NOS3: variants seen among roughly 807,000 people sequenced by gnomAD.
The protein encoded by NOS3 is NOS type III.
A neutral mutation model predicts 144.9 loss-of-function variants in NOS3; 98 were observed. The observed-to-expected ratio is 0.68, with a 90% confidence interval of 0.57 to 0.80. NOS3 has a LOEUF of 0.80. NOS3 is among the 30% of genes least tolerant of loss of function. NOS3 has a pLI of 0.00. For missense variants in NOS3, 1,465 were observed against 1,656.4 expected (o/e 0.88, Z 2.01); for synonymous variants, 714 against 702.4 (o/e 1.02, Z -0.26).
chr7:151,010,377 C>T (rs1795278878), intron 21 of NOS3, 90 bp downstream of exon 21: 1 of 1,290,908 alleles, frequency 7.7e-7, no homozygotes, highest in Non-Finnish European at 1.1e-6. Flanking sequence ...TGCAAAGTCC[C>T]CCCTGGACTT....
At position 151,014,205 on chromosome 7, in the gene NOS3, C is replaced by A; in HGVS notation, c.*36C>A. On this transcript the variant is annotated 3_prime_UTR_variant, in exon 27 of 27. Coordinates refer to ENST00000297494, the MANE Select transcript of NOS3 (RefSeq NM_000603.5). ...GCTTTCCCTTCCAGTTCCGGGAGAG[C>A]GGCTGCCCGACTCAGGTCCGCCCGA... The A allele has an allele frequency of 6.4e-7, 1 of 1,567,532 alleles. No homozygotes were observed.
intron 10 of NOS3, 72 bp from the exon 11 acceptor site, chr7:151,001,159 G>A (rs532887103): frequency 2.4e-5 from 36 of 1,500,922 alleles, no homozygotes; most frequent in Non-Finnish European, 2.7e-5. Flanking sequence ...TGGGGTGACC[G>A]GAGTGGTGGA....
chr7:151,009,135 G>A (rs370128708), intron 18 of NOS3, 54 bp from the exon 19 acceptor site: 1 of 1,612,914 alleles, frequency 6.2e-7, no homozygotes, highest in South Asian at 1.1e-5. Flanking sequence ...GCACTCTGGG[G>A]CCAGGCCCTG....
At position 151,010,530 on chromosome 7, in the gene NOS3, G is replaced by A. The variant is rs1795281605; in HGVS notation, c.2686-67G>A. The A allele has an allele frequency of 2.8e-6, 4 of 1,418,226 alleles. No homozygotes were observed. The South Asian group carries it at 4.2e-5, about 15-fold the overall frequency. The allele number at this position is 1,418,226 out of a possible 1,614,324, so 87.9% of individuals were successfully genotyped here. ...ACCCTAAAGAGGCTCAGTGGGGGAGGGGTCAAGAAGGGAGGTTACTAGGAA... is the reference window on the plus strand; with the variant it reads ...ACCCTAAAGAGGCTCAGTGGGGGAGAGGTCAAGAAGGGAGGTTACTAGGAA... On this transcript the variant is annotated intron_variant, in intron 21 of 26. Coordinates refer to ENST00000297494, the MANE Select transcript of NOS3 (RefSeq NM_000603.5).
chr7:150,996,960 T>C, intron 5 of NOS3, 35 bp downstream of exon 5: 1 of 1,538,014 alleles, frequency 6.5e-7, no homozygotes, highest in Non-Finnish European at 8.8e-7. Flanking sequence ...ACCCGGGCGC[T>C]ACCAAAAGGG....
chr7:150,992,108 C>T (rs1023019085), intron 1 of NOS3, among the ~76,000 whole-genome samples: 5 of 150,368 alleles, frequency 3.3e-5, no homozygotes, highest in African/African-American at 9.8e-5. Flanking sequence ...AAGATCACAC[C>T]ACTGCACTCC....
At position 150,998,928 on chromosome 7, in the gene NOS3, C is replaced by G. The variant is rs1802500914; in HGVS notation, c.817-18C>G. 3.7e-6 allele frequency: 6 copies of G among 1,605,192 alleles called. No individual in the cohort carries two copies. Among genetic ancestry groups the G allele is most frequent in the Admixed American group, 1.7e-5 (1 of 58,108 alleles). On this transcript the variant is annotated intron_variant, in intron 7 of 26. Coordinates refer to ENST00000297494, the MANE Select transcript of NOS3 (RefSeq NM_000603.5). This position sits in a 1 kb window ranked among gnomAD's most constrained non-coding sequence, Gnocchi z 5.0. ...ATGAGGCTCAGCCCCAGAACCCCCT[C>G]TGGCCCACTCCCCACAGCTCTGCAT...
intron 3 of NOS3, among the ~76,000 whole-genome samples, 153 bp from the exon 4 acceptor site, chr7:150,996,251 A>C (rs1489167779): frequency 6.0e-4 from 1 of 1,674 alleles, no homozygotes; most frequent in Middle Eastern, 0.1. Flanking sequence ...CACCCATCCC[A>C]CCCCTGCACC....
At position 151,010,172 on chromosome 7, in the gene NOS3, A is replaced by G. The variant is rs771374633; in HGVS notation, c.2570A>G (p.Gln857Arg). The G allele has an allele frequency of 2.6e-5, 42 of 1,611,236 alleles. No homozygotes were observed. The South Asian group carries it at 4.4e-4, about 17-fold the overall frequency. The stretch of plus-strand genomic sequence containing the variant: ...CGGCTGCCCCCGTGCACGCTGCGCC[A>G]GGCTCTCACCTTCTTCCTGGACATC... ...DPRLPPCTLRQALTFFLDITS... is the reference protein window; with the variant it reads ...DPRLPPCTLRRALTFFLDITS... Residue 857 changes from glutamine to arginine, a missense_variant, in exon 21 of 27, where the codon CAG becomes CGG. Around this residue, in one of 5 missense-constraint regions of NOS3, gnomAD observed 745 missense variants for 853.9 expected, o/e 0.87. Coordinates refer to ENST00000297494, the MANE Select transcript of NOS3 (RefSeq NM_000603.5).
rs753925525 is a variant in NOS3, at chr7:151,009,264, C to T, written c.2321C>T (p.Ser774Phe). Residue 774 changes from serine (S) to phenylalanine (F), a missense_variant, in exon 19 of 27, where the codon TCC becomes TTC. Ser to Phe is a radical substitution (Grantham distance 155, BLOSUM62 -2). Transcript: ENST00000297494. ...RSVENLQSSK[S>F]TRATILVRLD... ...GTGGAAAACCTGCAAAGCAGCAAGT[C>T]CACGTGAGGACGACGGCTTTACCGC... 2.5e-6 allele frequency: 4 copies of T among 1,612,482 alleles called. No individual in the cohort carries two copies. The highest frequency in any genetic ancestry group is 3.4e-6 in the Non-Finnish European group (4 of 1,178,918).
Position 150,998,959 on chromosome 7 carries a change from A to G in NOS3, c.830A>G (p.His277Arg). 6.2e-7 allele frequency: 1 copy of G among 1,612,304 alleles called. No homozygotes were observed. Among genetic ancestry groups the G allele is most frequent in the Non-Finnish European group, 8.5e-7 (1 of 1,179,822 alleles). Residue 277 changes from histidine to arginine, a missense_variant, in exon 8 of 27, where the codon CAC becomes CGC. Coordinates refer to ENST00000297494, the MANE Select transcript of NOS3 (RefSeq NM_000603.5). The surrounding 1 kb of genome is among the most constrained non-coding windows in gnomAD (Gnocchi z 5.0). ...CACTCCCCACAGCTCTGCATTCAGCACGGCTGGACCCCAGGAAACGGTCGC... is the reference window on the plus strand; with the variant it reads ...CACTCCCCACAGCTCTGCATTCAGCGCGGCTGGACCCCAGGAAACGGTCGC... ...NVEITELCIQ[H>R]GWTPGNGRFD...
intron 17 of NOS3, 49 bp from the exon 18 acceptor site, chr7:151,008,881 C>G (rs1397768771): frequency 6.4e-7 from 1 of 1,556,958 alleles, no homozygotes; most frequent in South Asian, 1.2e-5. Context: ...CTCACTAGGG[C>G]GACCCCTGGT....
chr7:151,010,141 G>A lies in NOS3; in HGVS notation c.2539G>A (p.Asp847Asn). The A allele has an allele frequency of 6.2e-7, 1 of 1,607,908 alleles. No homozygotes were observed. The highest frequency in any genetic ancestry group is 8.5e-7 in the Non-Finnish European group (1 of 1,177,522). ...PGGPPPGWVR[D>N]PRLPPCTLRQ... ...TGGCCCTCCCCCCGGCTGGGTGCGGGACCCCCGGCTGCCCCCGTGCACGCT... is the reference window on the plus strand; with the variant it reads ...TGGCCCTCCCCCCGGCTGGGTGCGGAACCCCCGGCTGCCCCCGTGCACGCT... Residue 847 changes from aspartate to asparagine, a missense_variant, in exon 21 of 27, where the codon GAC becomes AAC. This residue lies in a region of NOS3 where 745 missense variants were observed against 853.9 expected (regional missense o/e 0.87). Transcript: ENST00000297494.
Position 151,012,453 on chromosome 7 carries a change from G to C in NOS3, c.3087G>C (p.Leu1029=), listed in dbSNP as rs754919626. 2 of 1,611,934 alleles carry C rather than the reference G, an allele frequency of 1.2e-6. No individual in the cohort carries two copies. Among genetic ancestry groups the C allele is most frequent in the Non-Finnish European group, 1.7e-6 (2 of 1,179,270 alleles). ...TCCGGGGATTCTGGCAGGAGCGGCT[G>C]CATGACATTGAGAGCAAAGGTGAGG... ...APFRGFWQER[L]HDIESKGLQP... The change falls in exon 24 of 27, where the codon CTG becomes CTC. Residue 1029 remains leucine (L), a synonymous_variant. Transcript: ENST00000297494.
In NOS3 at chr7:151,009,528, G is replaced by A; in HGVS notation, c.2455G>A (p.Asp819Asn). ...LVEALLSRVEDPPAPTEPVAV... is the reference protein window; with the variant it reads ...LVEALLSRVENPPAPTEPVAV... ...GGAGGCGCTGCTGAGCCGCGTGGAG[G>A]ACCCGCCGGCGCCCACTGAGCCCGT... The change falls in exon 20 of 27, where the codon GAC becomes AAC. Residue 819 changes from aspartate (D) to asparagine (N), a missense_variant. Around this residue, in one of 5 missense-constraint regions of NOS3, gnomAD observed 745 missense variants for 853.9 expected, o/e 0.87. Transcript: ENST00000297494. 1 of 1,545,626 alleles carries A rather than the reference G, an allele frequency of 6.5e-7. No individual in the cohort carries two copies. The highest frequency in any genetic ancestry group is 2.0e-5 in the Admixed American group (1 of 50,902).
intron 8 of NOS3, 28 bp from the exon 9 acceptor site, chr7:150,999,148 GGCCTGCAAGGGGGT>G (rs1435978820): frequency 3.7e-6 from 6 of 1,610,876 alleles, no homozygotes; most frequent in Non-Finnish European, 5.1e-6. Context: ...TCTCAAGAAG[GGCCTGCAAGGGGGT>G]GCTGATCCCA....
At chr7:150,995,153 C>T in intron 2 of NOS3, 50 bp from the exon 3 acceptor site, 1 of 1,103,418 alleles carries the variant, frequency 9.1e-7, no homozygotes, top group South Asian at 1.3e-5. Flanking sequence ...TCTGGGAAGG[C>T]TGAAAGGAAA....
In NOS3 at chr7:151,001,146, G is replaced by A; in HGVS notation, c.1234-85G>A. The A allele has an allele frequency of 4.3e-6, 6 of 1,411,292 alleles. No homozygotes were observed. The South Asian group carries it at 6.0e-5, about 14-fold the overall frequency. 87.4% of individuals were successfully genotyped at this position (1,411,292 alleles called of 1,614,324 possible). On this transcript the variant is annotated intron_variant, in intron 10 of 26. Transcript: ENST00000297494. ...TATGGGGTAATCGAGGGCACATGTG[G>A]TTTGGGGTGACCGGAGTGGTGGAGG...
In NOS3 at chr7:150,999,214, C is replaced by T. The variant is rs1802510637; in HGVS notation, c.981C>T (p.Gly327=). 3.1e-6 allele frequency: 5 copies of T among 1,610,892 alleles called. No individual in the cohort carries two copies. Among genetic ancestry groups the T allele is most frequent in the Non-Finnish European group, 4.2e-6 (5 of 1,179,266 alleles). Reference sequence around the variant, plus strand: ...GGCTGGAGTGGTTTGCAGCCCTGGGCCTGCGCTGGTACGCCCTCCCGGCAG... The same window carrying T: ...GGCTGGAGTGGTTTGCAGCCCTGGGTCTGCGCTGGTACGCCCTCCCGGCAG... ...HPTLEWFAAL[G]LRWYALPAVS... is the part of the protein sequence containing the mutation. The change falls in exon 9 of 27, where the codon GGC becomes GGT. Residue 327 remains glycine, a synonymous_variant. Transcript: ENST00000297494.
Sources: allele counts gnomAD v4.1 joint callset (sites outside exome capture counted in the v4.1 genomes callset), GRCh38; gene constraint gnomAD v4.1.1; regional missense constraint gnomAD v4.1.1; non-coding constraint Gnocchi (gnomAD v3.1); transcripts MANE v1.5; gene names NCBI Gene and HGNC (gene_info 2026-07-23, HGNC 2026-07-21).